Variants in GPR65 observed in about 807,000 individuals in gnomAD.
GPR65 encodes T-cell death-associated gene 8 protein.
In GPR65, 2 loss-of-function variants were observed where a neutral mutation model predicts 0.7. The ratio of observed to expected loss-of-function variants is 2.83; its 90% CI spans 1.16 to 8.92. The LOEUF is 8.92. GPR65 is among the 30% of genes most tolerant of loss of function. The probability of loss-of-function intolerance (pLI) is 0.04; values close to 1 mark genes in which losing one functional copy is unlikely to be tolerated. For synonymous variants in GPR65, 128 were observed against 146.5 expected, an observed-to-expected ratio of 0.87 and a Z score of 0.91; for missense variants, 379 against 399.4, an observed-to-expected ratio of 0.95 and a Z score of 0.43.
chr14:88,005,282 A>G (rs1887577151), intron 1 of GPR65, 60 bp downstream of exon 1: 1 of 152,334 alleles, frequency 6.6e-6, no homozygotes, highest in Non-Finnish European at 1.5e-5. Flanking sequence ...CTTTGGCATA[A>G]TTGTCAGTGA....
rs1887704077 is a variant in GPR65, at chr14:88,012,685, C to T, written c.*824C>T. The T allele has an allele frequency of 6.6e-6, 1 of 152,110 alleles. No individual in the cohort carries two copies. The highest frequency in any genetic ancestry group is 1.5e-5 in the Non-Finnish European group (1 of 68,020). 9.4% of individuals were successfully genotyped at this position (152,110 alleles called of 1,614,324 possible). On this transcript the variant is annotated 3_prime_UTR_variant, in exon 2 of 2. Transcript: ENST00000267549. ...ATCAGCACTTCATTTCTTTTTATGGCCTGATAGTATTCTGTTGCATGGTTA... is the reference window on the plus strand; with the variant it reads ...ATCAGCACTTCATTTCTTTTTATGGTCTGATAGTATTCTGTTGCATGGTTA...
In GPR65 at chr14:88,011,411, G is replaced by T. The variant is rs767453748; in HGVS notation, c.564G>T (p.Thr188=). The T allele has an allele frequency of 6.2e-7, 1 of 1,613,934 alleles. No individual in the cohort carries two copies. Among genetic ancestry groups the T allele is most frequent in the African/African-American group, 1.3e-5 (1 of 75,008 alleles). ...KWQINLNLFR[T]CTGYAIPLVT... is the part of the protein sequence containing the mutation. The stretch of plus-strand genomic sequence containing the variant: ...AAATCAACCTCAACTTGTTCAGGAC[G>T]TGTACAGGCTATGCAATACCTTTGG... The change falls in exon 2 of 2, where the codon ACG becomes ACT. Residue 188 remains threonine (T), a synonymous_variant. Coordinates refer to ENST00000267549, the MANE Select transcript of GPR65 (RefSeq NM_003608.4).
rs1887734850 is a variant in GPR65 at position 88,014,447 on chromosome 14, T to C, written c.*2586T>C. 6.6e-6 allele frequency: 1 copy of C among 152,214 alleles called. No homozygotes were observed. The highest frequency in any genetic ancestry group is 1.5e-5 in the Non-Finnish European group (1 of 68,028). The allele number at this position is 152,214 out of a possible 1,614,324, so 9.4% of individuals were successfully genotyped here. Reference sequence around the variant, plus strand: ...ATGTATAATTTTAATTTCTAATTTATTGTTAGATCTCAGCACTTAAAAAAT... The same window carrying C: ...ATGTATAATTTTAATTTCTAATTTACTGTTAGATCTCAGCACTTAAAAAAT... On this transcript the variant is annotated 3_prime_UTR_variant, in exon 2 of 2. Coordinates refer to ENST00000267549, the MANE Select transcript of GPR65 (RefSeq NM_003608.4).
In GPR65 at chr14:88,011,940, T is replaced by A; in HGVS notation, c.*79T>A. ...TCAAGATTACATTTTGAAAAGGAAA[T>A]CTAGCATGTGAGGGGACTAAGTGTT... is the stretch of plus-strand genomic sequence containing the variant. On this transcript the variant is annotated 3_prime_UTR_variant, in exon 2 of 2. Coordinates refer to ENST00000267549, the MANE Select transcript of GPR65 (RefSeq NM_003608.4). The A allele has an allele frequency of 9.2e-7, 1 of 1,083,900 alleles. No individual in the cohort carries two copies. Among genetic ancestry groups the A allele is most frequent in the African/African-American group, 1.6e-5 (1 of 63,362 alleles). 67.1% of individuals were successfully genotyped at this position (1,083,900 alleles called of 1,614,324 possible).
chr14:88,008,028 T>G (rs1452395981), intron 1 of GPR65, among the ~76,000 whole-genome samples: 1 of 152,190 alleles, frequency 6.6e-6, no homozygotes, highest in African/African-American at 2.4e-5. Flanking sequence ...TTACATTTTA[T>G]GTATGAGGAT....
chr14:88,011,071 G>A lies in GPR65; in HGVS notation c.224G>A (p.Trp75Ter). Residue 75 changes from tryptophan to a stop codon, truncating the protein, a stop_gained, in exon 2 of 2, where the codon TGG (tryptophan) becomes TAG (stop). Transcript: ENST00000267549. LOFTEE classifies it low-confidence loss of function (END_TRUNC). ...LTLPLWIDYT[W>*]NKDNWTFSPA... Reference sequence around the variant, plus strand: ...CTCCCTTTATGGATTGATTATACCTGGAATAAAGACAACTGGACTTTCTCT... The same window carrying A: ...CTCCCTTTATGGATTGATTATACCTAGAATAAAGACAACTGGACTTTCTCT... 2 of 1,613,308 alleles carry A rather than the reference G, an allele frequency of 1.2e-6. No individual in the cohort carries two copies. Among genetic ancestry groups the A allele is most frequent in the Non-Finnish European group, 1.7e-6 (2 of 1,179,274 alleles).
In GPR65 at chr14:88,011,269, T is replaced by C. The variant is rs1197891800; in HGVS notation, c.422T>C (p.Leu141Ser). 2 of 1,613,958 alleles carry C rather than the reference T, an allele frequency of 1.2e-6. No individual in the cohort carries two copies. Among genetic ancestry groups the C allele is most frequent in the South Asian group, 1.1e-5 (1 of 91,086 alleles). ...ALMVSLSIWILETIFNAVMLW... is the reference protein window; with the variant it reads ...ALMVSLSIWISETIFNAVMLW... ...ATGGTCAGCCTGTCCATCTGGATAT[T>C]GGAAACCATCTTCAATGCTGTCATG... is the stretch of plus-strand genomic sequence containing the variant. The change falls in exon 2 of 2, where the codon TTG becomes TCG. Residue 141 changes from leucine to serine, a missense_variant. Physicochemically the swap from Leu to Ser is moderately radical, Grantham distance 145. Coordinates refer to ENST00000267549, the MANE Select transcript of GPR65 (RefSeq NM_003608.4).
In GPR65 at chr14:88,011,538, A is replaced by C. The variant is rs3742704; in HGVS notation, c.691A>C (p.Ile231Leu). The change falls in exon 2 of 2, where the codon ATC becomes CTC. Residue 231 changes from isoleucine (I) to leucine (L), a missense_variant. Ile to Leu is a conservative substitution (Grantham distance 5, BLOSUM62 2). Transcript: ENST00000267549. ...KKRIIKLLVS[I>L]TVTFVLCFTP... ...GAGAATCATAAAACTACTTGTCAGC[A>C]TCACAGTTACTTTTGTCTTATGCTT... The C allele has an allele frequency of 0.11, 174,436 of 1,613,654 alleles. 11,288 individuals are homozygous for C. The highest frequency in any genetic ancestry group is 0.25 in the South Asian group (22,917 of 91,076).
rs1887691801 is a variant in GPR65, at chr14:88,012,099, G to T, written c.*238G>T. 2.9e-6 allele frequency: 1 copy of T among 347,024 alleles called. No individual in the cohort carries two copies. The highest frequency in any genetic ancestry group is 4.4e-5 in the Admixed American group (1 of 22,644). The allele number at this position is 347,024 out of a possible 1,614,324, so 21.5% of individuals were successfully genotyped here. A position where few individuals can be genotyped will look rare whatever the true frequency, so the allele number is the denominator to read the frequency against. Reference sequence around the variant, plus strand: ...TTCTTAATGACTCAGGGTCTTTATTGTTAATGCCAATTGTTTTTGTATCTG... The same window carrying T: ...TTCTTAATGACTCAGGGTCTTTATTTTTAATGCCAATTGTTTTTGTATCTG... On this transcript the variant is annotated 3_prime_UTR_variant, in exon 2 of 2. Coordinates refer to ENST00000267549, the MANE Select transcript of GPR65 (RefSeq NM_003608.4).
intron 1 of GPR65, among the ~76,000 whole-genome samples, chr14:88,007,521 CTG>C (rs965893179): frequency 1.3e-5 from 2 of 151,216 alleles, no homozygotes; most frequent in Non-Finnish European, 3.0e-5. Flanking sequence ...TGGTTACTCC[CTG>C]TGTTTATTTT....
In GPR65 at chr14:88,012,632, T is replaced by C. The variant is rs1339557231; in HGVS notation, c.*771T>C. 1 of 152,242 alleles carries C rather than the reference T, an allele frequency of 6.6e-6. No individual in the cohort carries two copies. The highest frequency in any genetic ancestry group is 1.9e-4 in the East Asian group (1 of 5,204). The allele number at this position is 152,242 out of a possible 1,614,324, so 9.4% of individuals were successfully genotyped here. The stretch of plus-strand genomic sequence containing the variant: ...TGACGTATTTCACTTAGTATAATGG[T>C]TTCAAGTTTTATCCATGTGTAGAAT... On this transcript the variant is annotated 3_prime_UTR_variant, in exon 2 of 2. Transcript: ENST00000267549.
At chr14:88,009,702 A>C (rs1229768389) in intron 1 of GPR65, among the ~76,000 whole-genome samples, 3 of 152,196 alleles carry the variant, frequency 2.0e-5, no homozygotes, top group Non-Finnish European at 4.4e-5. Flanking sequence ...CTTTAAAAAG[A>C]CACTAACCTC....
chr14:88,007,263 G>T (rs1337997624), intron 1 of GPR65, among the ~76,000 whole-genome samples: 1 of 152,098 alleles, frequency 6.6e-6, no homozygotes, highest in African/African-American at 2.4e-5. Flanking sequence ...GATGCATGAG[G>T]ATTCTTCATC....
rs764294040 is a variant in GPR65, at chr14:88,014,064, T to C, written c.*2203T>C. 5 of 152,228 alleles carry C rather than the reference T, an allele frequency of 3.3e-5. No individual in the cohort carries two copies. Among genetic ancestry groups the C allele is most frequent in the Non-Finnish European group, 5.9e-5 (4 of 68,036 alleles). 9.4% of individuals were successfully genotyped at this position (152,228 alleles called of 1,614,324 possible). On this transcript the variant is annotated 3_prime_UTR_variant, in exon 2 of 2. Transcript: ENST00000267549. ...AGAAGTCCCTCCCAGGAACTGGAAA[T>C]GAATGGGGAAAATGCTGAAATCTCA...
rs1887723068 is a variant in GPR65, at chr14:88,013,703, C to T, written c.*1842C>T. On this transcript the variant is annotated 3_prime_UTR_variant, in exon 2 of 2. Coordinates refer to ENST00000267549, the MANE Select transcript of GPR65 (RefSeq NM_003608.4). ...CCAATATGATGAAACTCTGTCTCTA[C>T]TAAAAATTCAAAAATGTGCCAGACC... The T allele has an allele frequency of 6.6e-6, 1 of 152,110 alleles. No individual in the cohort carries two copies. Among genetic ancestry groups the T allele is most frequent in the Non-Finnish European group, 1.5e-5 (1 of 68,072 alleles). The allele number at this position is 152,110 out of a possible 1,614,324, so 9.4% of individuals were successfully genotyped here.
At position 88,012,842 on chromosome 14, in the gene GPR65, A is replaced by G. The variant is rs1189351994; in HGVS notation, c.*981A>G. 1 of 152,214 alleles carries G rather than the reference A, an allele frequency of 6.6e-6. No individual in the cohort carries two copies. Among genetic ancestry groups the G allele is most frequent in the Admixed American group, 6.5e-5 (1 of 15,274 alleles). 9.4% of individuals were successfully genotyped at this position (152,214 alleles called of 1,614,324 possible). On this transcript the variant is annotated 3_prime_UTR_variant, in exon 2 of 2. Transcript: ENST00000267549. ...TCTCATGAAGCCTCACGAAGTTTAC[A>G]TTAGTTCAAAAGCCTAGTCACCGAG...
In GPR65 at chr14:88,012,149, A is replaced by G; in HGVS notation, c.*288A>G. The G allele has an allele frequency of 4.5e-6, 1 of 220,798 alleles. No homozygotes were observed. Among genetic ancestry groups the G allele is most frequent in the Non-Finnish European group, 9.6e-6 (1 of 103,814 alleles). The allele number at this position is 220,798 out of a possible 1,614,324, so 13.7% of individuals were successfully genotyped here. On this transcript the variant is annotated 3_prime_UTR_variant, in exon 2 of 2. Transcript: ENST00000267549. ...GTGCTATAATCCCTTAGAGTCAGTA[A>G]AGTATGTAGGGGACTGTTTCTTCCT...
Position 88,011,559 on chromosome 14 carries a change from T to C in GPR65, c.712T>C (p.Cys238Arg), listed in dbSNP as rs1887682283. 6.2e-7 allele frequency: 1 copy of C among 1,613,958 alleles called. No individual in the cohort carries two copies. Among genetic ancestry groups the C allele is most frequent in the Non-Finnish European group, 8.5e-7 (1 of 1,179,960 alleles). The change falls in exon 2 of 2, where the codon TGC (cysteine) becomes CGC (arginine). Residue 238 changes from cysteine (C) to arginine (R), a missense_variant. Cys to Arg is a radical substitution (Grantham distance 180). Transcript: ENST00000267549. ...LVSITVTFVL[C>R]FTPFHVMLLI... Reference sequence around the variant, plus strand: ...CAGCATCACAGTTACTTTTGTCTTATGCTTTACTCCCTTTCATGTGATGTT... The same window carrying C: ...CAGCATCACAGTTACTTTTGTCTTACGCTTTACTCCCTTTCATGTGATGTT...
At chr14:88,005,288 A>G (rs1887577286) in intron 1 of GPR65, 66 bp downstream of exon 1, 1 of 152,318 alleles carries the variant, frequency 6.6e-6, no homozygotes, top group African/African-American at 2.4e-5. Flanking sequence ...CATAATTGTC[A>G]GTGATGTTCG....
Sources: allele counts gnomAD v4.1 joint callset (sites outside exome capture counted in the v4.1 genomes callset), GRCh38; gene constraint gnomAD v4.1.1; transcripts MANE v1.5; gene names NCBI Gene and HGNC (gene_info 2026-07-23, HGNC 2026-07-21).